Variants in MIPOL1 observed in about 807,000 individuals in gnomAD.
MIPOL1 encodes the protein mirror-image polydactyly 1.
In MIPOL1, 57 loss-of-function variants were observed where a neutral mutation model predicts 60.9. That is an observed-to-expected ratio of 0.94 (90% confidence interval 0.76 to 1.17). The LOEUF (loss-of-function observed/expected upper bound fraction) is 1.17, where lower values mean the gene tolerates loss of function less well. Ranked by LOEUF, MIPOL1 falls within the 50% of genes most tolerant of loss-of-function variation. The pLI is 0.00. For missense variants in MIPOL1, 551 were observed against 511.6 expected, an observed-to-expected ratio of 1.08 and a Z score of -0.74; for synonymous variants, 179 against 168.8, an observed-to-expected ratio of 1.06 and a Z score of -0.47.
At chr14:37,271,159 T>TAAATGTATTTTG in intron 6 of MIPOL1, among the ~76,000 whole-genome samples, 1 of 152,178 alleles carries the variant, frequency 6.6e-6, no homozygotes. Flanking sequence ...TTTGATATGT[T>TAAATGTATTTTG]ATAGATACAA....
chr14:37,322,815 G>C (rs1200874114), intron 9 of MIPOL1, among the ~76,000 whole-genome samples: 1 of 151,936 alleles, frequency 6.6e-6, no homozygotes, highest in Non-Finnish European at 1.5e-5. Context: ...CCCACTTTTT[G>C]ATGGGGTTGT....
chr14:37,320,890 C>G (rs1289059321), intron 9 of MIPOL1, among the ~76,000 whole-genome samples: 1 of 151,982 alleles, frequency 6.6e-6, no homozygotes, highest in Non-Finnish European at 1.5e-5. Context: ...CAGTAGAGCC[C>G]ATGTAATGAC....
intron 12 of MIPOL1, among the ~76,000 whole-genome samples, chr14:37,519,313 G>A (rs1292197154): frequency 1.3e-5 from 2 of 151,930 alleles, no homozygotes; most frequent in Non-Finnish European, 2.9e-5. Context: ...ATTTACTTTG[G>A]GCATTTTTCT....
At chr14:37,486,301 A>G (rs913885576) in intron 11 of MIPOL1, among the ~76,000 whole-genome samples, 6 of 152,062 alleles carry the variant, frequency 3.9e-5, no homozygotes, top group Non-Finnish European at 7.4e-5. Flanking sequence ...TTTGCTTAGG[A>G]TTGTCTTGGC....
chr14:37,359,350 G>GT (rs1194600860), intron 9 of MIPOL1, among the ~76,000 whole-genome samples: 3 of 152,144 alleles, frequency 2.0e-5, no homozygotes, highest in African/African-American at 4.8e-5. Flanking sequence ...CTTTAAAGTA[G>GT]TTTTTTTCCA....
At chr14:37,287,966 T>C (rs1016936745) in intron 7 of MIPOL1, among the ~76,000 whole-genome samples, 1 of 152,078 alleles carries the variant, frequency 6.6e-6, no homozygotes, top group East Asian at 2.0e-4. Context: ...GACAAGATCA[T>C]GTGACTCTCA....
intron 10 of MIPOL1, among the ~76,000 whole-genome samples, chr14:37,407,845 CT>C (rs35133543): frequency 2.8e-4 from 25 of 88,800 alleles, no homozygotes; most frequent in African/African-American, 1.0e-3. Flanking sequence ...TCTTCTTCTT[CT>C]TTTTTTTTTT....
At chr14:37,360,254 T>C (rs1268626570) in intron 9 of MIPOL1, among the ~76,000 whole-genome samples, 2 of 152,344 alleles carry the variant, frequency 1.3e-5, no homozygotes, top group Middle Eastern at 3.4e-3. Context: ...GCATCCATAT[T>C]GATCAGGGAT....
Position 37,426,574 on chromosome 14 carries a change from T to TACATATATACATATAC in MIPOL1, c.1031+3626_1031+3627insCATATATACATATACA, listed in dbSNP as rs1204871298. 2.2e-3 allele frequency among the ~76,000 whole-genome samples: 172 copies of TACATATATACATATAC among 79,284 alleles called. 1 individual carries two copies. The highest frequency in any genetic ancestry group is 6.0e-3 in the African/African-American group (160 of 26,816). 52.0% of individuals were successfully genotyped at this position (79,284 alleles called of 152,430 possible). On this transcript the variant is annotated intron_variant, in intron 11 of 12. Coordinates refer to ENST00000684589, the MANE Select transcript of MIPOL1 (RefSeq NM_001388067.1). ...GAAACTCTGTCTCAAAATATACATA[T>TACATATATACATATAC]ATATATATATATATATATATACACA...
chr14:37,461,995 C>T (rs2094544856), intron 11 of MIPOL1, among the ~76,000 whole-genome samples: 1 of 152,206 alleles, frequency 6.6e-6, no homozygotes, highest in Non-Finnish European at 1.5e-5. Flanking sequence ...CTCACAGCTC[C>T]ACTAGATGGT....
At chr14:37,224,344 T>C (rs954328496) in intron 1 of MIPOL1, among the ~76,000 whole-genome samples, 2 of 152,084 alleles carry the variant, frequency 1.3e-5, no homozygotes. Context: ...GTTGGGTGTA[T>C]TAGTCCACTT....
intron 9 of MIPOL1, among the ~76,000 whole-genome samples, chr14:37,341,716 GA>G (rs2090588237): frequency 6.6e-6 from 1 of 152,174 alleles, no homozygotes. Flanking sequence ...AAAATGCTGG[GA>G]CTATAGGCGT....
At chr14:37,408,319 C>T (rs2093626466) in intron 10 of MIPOL1, among the ~76,000 whole-genome samples, 1 of 152,070 alleles carries the variant, frequency 6.6e-6, no homozygotes, top group Admixed American at 6.6e-5. Context: ...TGAAACTTTG[C>T]TTGTTGTGTA....
intron 11 of MIPOL1, among the ~76,000 whole-genome samples, chr14:37,483,842 C>T (rs555980900): frequency 5.3e-5 from 8 of 152,194 alleles, no homozygotes; most frequent in East Asian, 1.9e-4. Flanking sequence ...CACTATGTTG[C>T]GCAAGCTGGC....
At chr14:37,457,485 A>G (rs1032670615) in intron 11 of MIPOL1, among the ~76,000 whole-genome samples, 1 of 152,154 alleles carries the variant, frequency 6.6e-6, no homozygotes, top group African/African-American at 2.4e-5. Flanking sequence ...TGAGGACACT[A>G]TCCTTTCCTC....
chr14:37,532,121 C>T (rs2095483435), intron 12 of MIPOL1, among the ~76,000 whole-genome samples: 2 of 152,072 alleles, frequency 1.3e-5, no homozygotes, highest in African/African-American at 4.8e-5. Flanking sequence ...CTGCCAATTT[C>T]CAGATGTTTT....
intron 9 of MIPOL1, among the ~76,000 whole-genome samples, chr14:37,368,788 A>G (rs1303802589): frequency 6.6e-6 from 1 of 152,072 alleles, no homozygotes; most frequent in Non-Finnish European, 1.5e-5. Flanking sequence ...AAATGGCAAG[A>G]TATTTCAAAA....
At chr14:37,222,881 T>A (rs542023367) in intron 1 of MIPOL1, among the ~76,000 whole-genome samples, 3 of 152,318 alleles carry the variant, frequency 2.0e-5, no homozygotes, top group Non-Finnish European at 4.4e-5. Context: ...TTCAGATATT[T>A]GTTATATAGC....
intron 10 of MIPOL1, among the ~76,000 whole-genome samples, chr14:37,399,082 G>C (rs2093432160): frequency 6.6e-6 from 1 of 152,126 alleles, no homozygotes; most frequent in Non-Finnish European, 1.5e-5. Flanking sequence ...TACACTATAA[G>C]GGGCCAACGC....
Sources: gnomAD v4.1 joint callset for allele counts (sites outside exome capture counted in the v4.1 genomes callset) on GRCh38, gnomAD v4.1.1 for gene constraint, MANE v1.5 for transcripts, NCBI Gene and HGNC (gene_info 2026-07-23, HGNC 2026-07-21) for gene names.